CFDP1: variants seen among roughly 807,000 people sequenced by gnomAD.
The protein encoded by CFDP1 is chromatin remodeling protein CFDP1, also known as heterochromatin-stabilizing protein CFDP1.
CFDP1 carries 31 observed loss-of-function variants against 40.1 expected under a neutral mutation model. The ratio of observed to expected loss-of-function variants is 0.77; its 90% CI spans 0.58 to 1.04. The LOEUF is 1.04. Among genes scored for constraint, CFDP1 ranks in the 50% least tolerant of loss-of-function variants. CFDP1 has a pLI of 0.00. For synonymous variants in CFDP1, 167 were observed against 120.0 expected (o/e 1.39, Z -2.56); for missense variants, 423 against 343.4 (o/e 1.23, Z -1.83).
At chr16:75,430,372 T>C (rs746039123) in intron 1 of CFDP1, among the ~76,000 whole-genome samples, 5 of 152,142 alleles carry the variant, frequency 3.3e-5, no homozygotes, top group African/African-American at 7.2e-5. Flanking sequence ...GGTTTCACTA[T>C]GTTGGCCAGA....
chr16:75,378,154 A>G (rs1273976787), intron 5 of CFDP1, among the ~76,000 whole-genome samples: 2 of 152,186 alleles, frequency 1.3e-5, no homozygotes, highest in African/African-American at 4.8e-5. Context: ...GCACTCTGAC[A>G]GGGATGTGCG....
intron 5 of CFDP1, among the ~76,000 whole-genome samples, chr16:75,374,159 A>G (rs1005780817): frequency 6.6e-6 from 1 of 152,066 alleles, no homozygotes; most frequent in Non-Finnish European, 1.5e-5. Flanking sequence ...AGGCTGAGAC[A>G]TGAGAATCAC....
intron 5 of CFDP1, among the ~76,000 whole-genome samples, chr16:75,357,787 A>G (rs949445480): frequency 6.6e-6 from 1 of 152,192 alleles, no homozygotes; most frequent in African/African-American, 2.4e-5. Context: ...TTGTGCGTTC[A>G]CTGGAGTAGC....
intron 5 of CFDP1, among the ~76,000 whole-genome samples, chr16:75,378,611 G>A (rs549498667): frequency 2.6e-4 from 39 of 152,244 alleles, no homozygotes; most frequent in African/African-American, 8.9e-4. Context: ...AGCTCACAGC[G>A]TAGTGATGGA....
At chr16:75,300,544 CCCAAAGTGT>C (rs1054077324) in intron 6 of CFDP1, among the ~76,000 whole-genome samples, 4 of 152,174 alleles carry the variant, frequency 2.6e-5, no homozygotes, top group African/African-American at 9.7e-5. Flanking sequence ...GCCTCGGCCT[CCCAAAGTGT>C]TGGGATTACA....
At chr16:75,298,173 T>C (rs2078197362) in intron 6 of CFDP1, among the ~76,000 whole-genome samples, 1 of 152,224 alleles carries the variant, frequency 6.6e-6, no homozygotes, top group Non-Finnish European at 1.5e-5. Flanking sequence ...TTGGGTCCCA[T>C]CCCCAAGATT....
chr16:75,403,941 G>T (rs1470451375), intron 4 of CFDP1, among the ~76,000 whole-genome samples: 1 of 151,942 alleles, frequency 6.6e-6, no homozygotes, highest in Non-Finnish European at 1.5e-5. Flanking sequence ...AGACCAGCCT[G>T]GCCAACATGA....
At position 75,295,562 on chromosome 16, in the gene CFDP1, A is replaced by T. The variant is rs543084801; in HGVS notation, c.810-1520T>A. 1.6e-4 allele frequency among the ~76,000 whole-genome samples: 24 copies of T among 152,340 alleles called. No individual in the cohort carries two copies. In the South Asian group the frequency reaches 4.6e-3, roughly 29 times the overall value. The stretch of plus-strand genomic sequence containing the variant: ...TCCAACAGGCTCCCAAGGACAGTAG[A>T]TGGCCCAAGTCTGGACTTATGGTTT... On this transcript the variant is annotated intron_variant, in intron 6 of 6. Coordinates refer to ENST00000283882, the MANE Select transcript of CFDP1 (RefSeq NM_006324.3).
chr16:75,305,338 C>T, intron 5 of CFDP1, 156 bp from the exon 6 acceptor site: 1 of 677,520 alleles, frequency 1.5e-6, no homozygotes, highest in Non-Finnish European at 2.5e-6. Context: ...GTGTGGAGAG[C>T]ACTGTAAGTA....
At chr16:75,344,348 G>C (rs1385764829) in intron 5 of CFDP1, among the ~76,000 whole-genome samples, 1 of 152,182 alleles carries the variant, frequency 6.6e-6, no homozygotes, top group Non-Finnish European at 1.5e-5. Context: ...TTTATGTTAG[G>C]TGTATTTCAC....
At chr16:75,320,944 A>T (rs2078358821) in intron 5 of CFDP1, among the ~76,000 whole-genome samples, 1 of 152,182 alleles carries the variant, frequency 6.6e-6, no homozygotes. Context: ...AATGCTGGAA[A>T]ATCTGATGAC....
intron 5 of CFDP1, among the ~76,000 whole-genome samples, chr16:75,380,324 C>T (rs2078842235): frequency 6.6e-6 from 1 of 151,902 alleles, no homozygotes; most frequent in African/African-American, 2.4e-5. Flanking sequence ...GAATGGGCAA[C>T]CTCCGGGTAT....
intron 5 of CFDP1, among the ~76,000 whole-genome samples, chr16:75,369,164 C>A (rs17696749): frequency 6.6e-6 from 1 of 151,840 alleles, no homozygotes; most frequent in East Asian, 1.9e-4. Context: ...GTCCTCCTCT[C>A]CTCAGTATAG....
intron 5 of CFDP1, among the ~76,000 whole-genome samples, chr16:75,370,343 T>C (rs920619872): frequency 6.6e-6 from 1 of 151,824 alleles, no homozygotes; most frequent in Non-Finnish European, 1.5e-5. Flanking sequence ...TCCACTGACC[T>C]TGGCCTCCCA....
chr16:75,349,313 C>G, intron 5 of CFDP1, among the ~76,000 whole-genome samples: 1 of 151,668 alleles, frequency 6.6e-6, no homozygotes, highest in Non-Finnish European at 1.5e-5. Context: ...AGTTCAGGAC[C>G]AGCCAGGCCA....
intron 5 of CFDP1, among the ~76,000 whole-genome samples, chr16:75,324,088 A>T (rs1300485211): frequency 1.3e-5 from 2 of 152,190 alleles, no homozygotes; most frequent in Admixed American, 1.3e-4. Context: ...GCCACTGGAG[A>T]TAGACAGATT....
chr16:75,320,317 G>T (rs560186087), intron 5 of CFDP1, among the ~76,000 whole-genome samples: 107 of 152,250 alleles, frequency 7.0e-4, no homozygotes, highest in African/African-American at 2.0e-3. Context: ...TGTAAAACGT[G>T]TAACTATGAC....
At chr16:75,409,729 C>A (rs2079139573) in intron 4 of CFDP1, among the ~76,000 whole-genome samples, 1 of 152,004 alleles carries the variant, frequency 6.6e-6, no homozygotes, top group South Asian at 2.1e-4. Context: ...TCAAATGGTT[C>A]AGCCAAAACA....
intron 5 of CFDP1, among the ~76,000 whole-genome samples, chr16:75,312,182 C>T (rs145102903): frequency 5.0e-4 from 76 of 152,240 alleles, no homozygotes; most frequent in African/African-American, 1.8e-3. Flanking sequence ...CAAGATTAGA[C>T]CCCTCAAGGA....
Sources: allele counts gnomAD v4.1 joint callset (sites outside exome capture counted in the v4.1 genomes callset), GRCh38; gene constraint gnomAD v4.1.1; transcripts MANE v1.5; gene names NCBI Gene and HGNC (gene_info 2026-07-23, HGNC 2026-07-21).